Variants in IL26 observed in about 807,000 individuals in gnomAD.
The protein encoded by IL26 is interleukin-26.
In IL26, 23 loss-of-function variants were observed where a neutral mutation model predicts 21.7. That is an observed-to-expected ratio of 1.06 (90% CI 0.76 to 1.50). The LOEUF (loss-of-function observed/expected upper bound fraction) is 1.50. Ranked by LOEUF, IL26 falls within the 40% of genes most tolerant of loss-of-function variation. The pLI, the probability that IL26 is intolerant of heterozygous loss-of-function variation, is 0.00. For missense variants in IL26, 204 were observed against 196.0 expected (o/e 1.04, Z -0.24); for synonymous variants, 63 against 67.8 (o/e 0.93, Z 0.34).
In IL26 at chr12:68,210,089, G is replaced by A. The variant is rs564328475; in HGVS notation, c.364-8006C>T. On this transcript the variant is annotated intron_variant, in intron 3 of 4. Transcript: ENST00000229134. The stretch of plus-strand genomic sequence containing the variant: ...TGACCACAGCCTTGGTTTCTTGAAA[G>A]TTTTTCTTCTCCAAAATACAGATGA... 4.6e-5 allele frequency among the ~76,000 whole-genome samples: 7 copies of A among 151,928 alleles called. No homozygotes were observed. The South Asian group carries it at 1.5e-3, about 32-fold the overall frequency.
rs540693081 is a variant in IL26, at chr12:68,210,338, C to CAAAAAAAAAAAAAAAAAAAAAAAAAAAA, written c.364-8283_364-8256dup. On this transcript the variant is annotated intron_variant, in intron 3 of 4. Transcript: ENST00000229134. ...ACTAAATAAATAAATATCAGTTTGGCAAAAAAAAAAAAAAAAAAAAAAAAA... is the reference window on the plus strand; with the variant it reads ...ACTAAATAAATAAATATCAGTTTGGCAAAAAAAAAAAAAAAAAAAAAAAAAAAAAAAAAAAAAAAAAAAAAAAAAAAAA... Among the ~76,000 whole-genome samples the CAAAAAAAAAAAAAAAAAAAAAAAAAAAA allele has an allele frequency of 3.2e-4, 7 of 22,094 alleles. 1 individual carries two copies. Among genetic ancestry groups the CAAAAAAAAAAAAAAAAAAAAAAAAAAAA allele is most frequent in the Admixed American group, 6.6e-4 (1 of 1,526 alleles). 14.5% of individuals were successfully genotyped at this position (22,094 alleles called of 152,430 possible).
At chr12:68,207,554 A>G (rs148125995) in intron 3 of IL26, among the ~76,000 whole-genome samples, 3 of 152,346 alleles carry the variant, frequency 2.0e-5, no homozygotes, top group Non-Finnish European at 4.4e-5. Flanking sequence ...ATAGTAGTAC[A>G]GCATTACCAC....
At chr12:68,211,046 G>A (rs956271683) in intron 3 of IL26, among the ~76,000 whole-genome samples, 3 of 152,062 alleles carry the variant, frequency 2.0e-5, no homozygotes, top group Non-Finnish European at 4.4e-5. Context: ...TCCTCCCACT[G>A]TATTTTTGAG....
Position 68,216,680 on chromosome 12 carries a change from G to A in IL26, c.363+8469C>T, listed in dbSNP as rs368367491. On this transcript the variant is annotated intron_variant, in intron 3 of 4. Transcript: ENST00000229134. ...AATGAATGGTATTATTTTACAAGTT[G>A]ATAAGCTATTTGCAATTGATGATAC... is the stretch of plus-strand genomic sequence containing the variant. Among the ~76,000 whole-genome samples the A allele has an allele frequency of 4.6e-5, 7 of 152,262 alleles. No homozygotes were observed. The South Asian group carries it at 1.5e-3, about 32-fold the overall frequency.
chr12:68,225,208 A>G lies in IL26; in HGVS notation c.304T>C (p.Cys102Arg), dbSNP rs542964570. ...DVFGQLQLQG[C>R]KKIRFVEDFH... ...TCCTCCACAAAGCGTATTTTCTTGCAGCCTTGCAATTGCAGTTGACCAAAA... is the reference window on the plus strand; with the variant it reads ...TCCTCCACAAAGCGTATTTTCTTGCGGCCTTGCAATTGCAGTTGACCAAAA... Residue 102 changes from cysteine to arginine, a missense_variant, in exon 3 of 5, where the codon TGC (cysteine) becomes CGC (arginine). Cys to Arg is a radical substitution (Grantham distance 180). Coordinates refer to ENST00000229134, the MANE Select transcript of IL26 (RefSeq NM_018402.2). The G allele has an allele frequency of 6.2e-7, 1 of 1,613,960 alleles. No homozygotes were observed. Among genetic ancestry groups the G allele is most frequent in the South Asian group, 1.1e-5 (1 of 91,006 alleles).
intron 3 of IL26, among the ~76,000 whole-genome samples, chr12:68,205,272 G>A (rs11571052): frequency 7.3e-5 from 11 of 151,710 alleles, no homozygotes; most frequent in East Asian, 5.8e-4. Context: ...GCTGGATAAC[G>A]TTAGGTGCAC....
intron 3 of IL26, among the ~76,000 whole-genome samples, chr12:68,205,433 T>C (rs575478906): frequency 5.5e-4 from 83 of 152,274 alleles, no homozygotes; most frequent in African/African-American, 1.9e-3. Flanking sequence ...AGATAGATTG[T>C]ATTTTTATAA....
intron 3 of IL26, among the ~76,000 whole-genome samples, chr12:68,224,682 G>A (rs914942655): frequency 6.8e-6 from 1 of 146,776 alleles, no homozygotes; most frequent in Admixed American, 6.8e-5. Flanking sequence ...GGGAAGGAGG[G>A]TGGAGGAAGA....
chr12:68,224,621 AAAG>A (rs1869178142), intron 3 of IL26, among the ~76,000 whole-genome samples: 2 of 151,070 alleles, frequency 1.3e-5, no homozygotes. Flanking sequence ...GAAAGAAAGA[AAAG>A]GAAGTAAAGA....
chr12:68,207,691 A>G (rs1416180722), intron 3 of IL26, among the ~76,000 whole-genome samples: 1 of 152,180 alleles, frequency 6.6e-6, no homozygotes, highest in Non-Finnish European at 1.5e-5. Flanking sequence ...CTACCAACCA[A>G]AAGGCAGCAG....
intron 3 of IL26, among the ~76,000 whole-genome samples, chr12:68,220,904 T>C (rs1490285745): frequency 6.6e-6 from 1 of 152,274 alleles, no homozygotes. Flanking sequence ...CCCAAAGTGC[T>C]GGGATTGTAG....
At chr12:68,204,325 A>G (rs745554106) in intron 3 of IL26, among the ~76,000 whole-genome samples, 14 of 151,672 alleles carry the variant, frequency 9.2e-5, no homozygotes, top group Non-Finnish European at 1.6e-4. Flanking sequence ...TTGTATTTTT[A>G]GTAGAGATGG....
At chr12:68,205,331 A>ACC (rs11571051) in intron 3 of IL26, among the ~76,000 whole-genome samples, 16 of 130,108 alleles carry the variant, frequency 1.2e-4, no homozygotes, top group African/African-American at 4.0e-4. Context: ...AAAACATTAG[A>ACC]CCCCCCCCAA....
In IL26 at chr12:68,225,752, A is replaced by G; in HGVS notation, c.5T>C (p.Leu2Pro). The part of the protein sequence containing the change: M[L>P]VNFILRCGLL... Reference sequence around the variant, plus strand: ...CCCACACCTCAAAATGAAATTCACCAGCATTTCCCTTCACCCCACTCAGCG... The same window carrying G: ...CCCACACCTCAAAATGAAATTCACCGGCATTTCCCTTCACCCCACTCAGCG... The change falls in exon 1 of 5, where the codon CTG (leucine) becomes CCG (proline). Residue 2 changes from leucine (L) to proline (P), a missense_variant. Coordinates refer to ENST00000229134, the MANE Select transcript of IL26 (RefSeq NM_018402.2). The G allele has an allele frequency of 6.2e-7, 1 of 1,613,900 alleles. No homozygotes were observed. The highest frequency in any genetic ancestry group is 8.5e-7 in the Non-Finnish European group (1 of 1,179,848).
At chr12:68,208,858 C>T (rs943787288) in intron 3 of IL26, among the ~76,000 whole-genome samples, 1 of 152,062 alleles carries the variant, frequency 6.6e-6, no homozygotes, top group African/African-American at 2.4e-5. Flanking sequence ...TCATTGAGTC[C>T]CCTGCATCTG....
At chr12:68,205,802 A>G (rs114249230) in intron 3 of IL26, among the ~76,000 whole-genome samples, 1 of 152,336 alleles carries the variant, frequency 6.6e-6, no homozygotes, top group African/African-American at 2.4e-5. Flanking sequence ...TATCATAGAA[A>G]AGTTCATGTC....
chr12:68,207,530 G>T (rs1038322378), intron 3 of IL26, among the ~76,000 whole-genome samples: 3 of 152,116 alleles, frequency 2.0e-5, no homozygotes, highest in Admixed American at 2.0e-4. Context: ...ACAGGAGGTG[G>T]CTACAGAATT....
intron 3 of IL26, among the ~76,000 whole-genome samples, chr12:68,212,662 C>G (rs1275002875): frequency 6.6e-6 from 1 of 151,942 alleles, no homozygotes. Context: ...TATATTTTTG[C>G]AGCTATTGTA....
intron 3 of IL26, among the ~76,000 whole-genome samples, chr12:68,218,970 A>T (rs1244689579): frequency 6.6e-6 from 1 of 152,004 alleles, no homozygotes; most frequent in African/African-American, 2.4e-5. Flanking sequence ...TAATTTTATA[A>T]TGATAAATGT....
Sources: allele counts gnomAD v4.1 joint callset (sites outside exome capture counted in the v4.1 genomes callset), GRCh38; gene constraint gnomAD v4.1.1; transcripts MANE v1.5; gene names NCBI Gene and HGNC (gene_info 2026-07-23, HGNC 2026-07-21).